The following AGPAT4 variants were observed in gnomAD, a reference collection of about 807,000 sequenced individuals.
AGPAT4 encodes the protein 1-acylglycerol-3-phosphate O-acyltransferase 4, also known as 1-acyl-sn-glycerol-3-phosphate acyltransferase delta.
In AGPAT4, 15 loss-of-function variants were observed where a neutral mutation model predicts 48.0. That is an observed-to-expected ratio of 0.31 (90% CI 0.21 to 0.48). AGPAT4 has a LOEUF of 0.48. Ranked by LOEUF, AGPAT4 falls within the 20% of genes least tolerant of loss-of-function variation. The probability of loss-of-function intolerance (pLI) is 0.99; values close to 1 mark genes in which losing one functional copy is unlikely to be tolerated. For synonymous variants in AGPAT4, 178 were observed against 198.7 expected, an observed-to-expected ratio of 0.90 and a Z score of 0.88; for missense variants, 314 against 482.5, an observed-to-expected ratio of 0.65 and a Z score of 3.27.
At chr6:161,173,500 T>A (rs1780339495) in intron 2 of AGPAT4, among the ~76,000 whole-genome samples, 1 of 152,260 alleles carries the variant, frequency 6.6e-6, no homozygotes, top group African/African-American at 2.4e-5. Flanking sequence ...TGTTTGATTT[T>A]TTCTTGTAGA....
rs1247164606 is a variant in AGPAT4 at position 161,171,113 on chromosome 6, A to G, written c.179-4696T>C. On this transcript the variant is annotated intron_variant, in intron 2 of 8. Transcript: ENST00000320285. This position sits in a 1 kb window ranked among gnomAD's most constrained non-coding sequence, Gnocchi z 4.4. ...GTGCTGCACAACAGAGATGCTTGTG[A>G]GAAAGCAGGGCTTTCTGTTGTTTAG... Among the ~76,000 whole-genome samples the G allele has an allele frequency of 1.3e-5, 2 of 152,238 alleles. No individual in the cohort carries two copies. Among genetic ancestry groups the G allele is most frequent in the African/African-American group, 2.4e-5 (1 of 41,470 alleles).
Position 161,144,210 on chromosome 6 carries a change from C to T in AGPAT4, c.843+2314G>A, listed in dbSNP as rs764383670. On this transcript the variant is annotated intron_variant, in intron 7 of 8. Coordinates refer to ENST00000320285, the MANE Select transcript of AGPAT4 (RefSeq NM_020133.3). This position sits in a 1 kb window ranked among gnomAD's most constrained non-coding sequence, Gnocchi z 6.6. Reference sequence around the variant, plus strand: ...TCTTCTCGGAAGGGCAAAGGGCCAGCCTCCCAGGCCTGCTCACAGACACAT... The same window carrying T: ...TCTTCTCGGAAGGGCAAAGGGCCAGTCTCCCAGGCCTGCTCACAGACACAT... The T allele has an allele frequency of 3.8e-6, 2 of 532,524 alleles. No individual in the cohort carries two copies. Among genetic ancestry groups the T allele is most frequent in the East Asian group, 1.1e-4 (2 of 18,326 alleles). The allele number at this position is 532,524 out of a possible 1,614,324, so 33.0% of individuals were successfully genotyped here. A position where few individuals can be genotyped will look rare whatever the true frequency, so the allele number is the denominator to read the frequency against.
At chr6:161,183,110 A>G (rs1780647670) in intron 2 of AGPAT4, among the ~76,000 whole-genome samples, 1 of 152,122 alleles carries the variant, frequency 6.6e-6, no homozygotes, top group Non-Finnish European at 1.5e-5. Flanking sequence ...TTGAGATTTT[A>G]AACTCCCTTC....
In AGPAT4 at chr6:161,255,579, G is replaced by A. The variant is rs1782923801; in HGVS notation, c.-90+18359C>T. On this transcript the variant is annotated intron_variant, in intron 1 of 8. Transcript: ENST00000320285. The surrounding 1 kb of genome is among the most constrained non-coding windows in gnomAD (Gnocchi z 4.7). ...TAATTACTGATACATGCTACAACAT[G>A]AATGAACCTCAAAAACATGTTATAT... 6.6e-6 allele frequency among the ~76,000 whole-genome samples: 1 copy of A among 152,122 alleles called. No individual in the cohort carries two copies. The highest frequency in any genetic ancestry group is 1.5e-5 in the Non-Finnish European group (1 of 68,026).
At position 161,222,954 on chromosome 6, in the gene AGPAT4, C is replaced by T. The variant is rs1781871911; in HGVS notation, c.178+9082G>A. On this transcript the variant is annotated intron_variant, in intron 2 of 8. Transcript: ENST00000320285. This position sits in a 1 kb window ranked among gnomAD's most constrained non-coding sequence, Gnocchi z 5.9. ...GCATATGCTCCTGCCACCTACTGAA[C>T]CACCTCTCCTCTTGCCAACATCTCA... Among the ~76,000 whole-genome samples the T allele has an allele frequency of 6.6e-6, 1 of 152,222 alleles. No homozygotes were observed. The highest frequency in any genetic ancestry group is 6.5e-5 in the Admixed American group (1 of 15,282).
In AGPAT4 at chr6:161,138,307, T is replaced by G. The variant is rs1305841302; in HGVS notation, c.1042+1115A>C. Reference sequence around the variant, plus strand: ...AAAAGACTGTATAGTAGGGTCTATTTGAGGAACAGGAGCCAGCTTGTCTAC... The same window carrying G: ...AAAAGACTGTATAGTAGGGTCTATTGGAGGAACAGGAGCCAGCTTGTCTAC... On this transcript the variant is annotated intron_variant, in intron 8 of 8. Transcript: ENST00000320285. The surrounding 1 kb of genome is among the most constrained non-coding windows in gnomAD (Gnocchi z 4.8). Among the ~76,000 whole-genome samples, 1 of 152,248 alleles carries G rather than the reference T, an allele frequency of 6.6e-6. No homozygotes were observed. The highest frequency in any genetic ancestry group is 1.5e-5 in the Non-Finnish European group (1 of 68,052).
chr6:161,166,392 C>A lies in AGPAT4; in HGVS notation c.204G>T (p.Trp68Cys). The A allele has an allele frequency of 6.2e-7, 1 of 1,611,080 alleles. No homozygotes were observed. The highest frequency in any genetic ancestry group is 8.5e-7 in the Non-Finnish European group (1 of 1,178,422). ...SSQLVMLLEW[W>C]SGTECTIFTD... is the part of the protein sequence containing the mutation. ...TGAAGATGGTGCATTCCGTGCCCGA[C>A]CACCACTCCAGCAGCATCACCAGCT... Residue 68 changes from tryptophan (W) to cysteine (C), a missense_variant, in exon 3 of 9, where the codon TGG (tryptophan) becomes TGT (cysteine). Transcript: ENST00000320285. The surrounding 1 kb of genome is among the most constrained non-coding windows in gnomAD (Gnocchi z 6.7).
chr6:161,268,932 G>A (rs1488044185), intron 1 of AGPAT4, among the ~76,000 whole-genome samples: 1 of 152,292 alleles, frequency 6.6e-6, no homozygotes, highest in East Asian at 1.9e-4. Context: ...ACTAGTTTCT[G>A]GATGCACTGC....
rs1233846201 is a variant in AGPAT4 at position 161,225,035 on chromosome 6, C to T, written c.178+7001G>A. Among the ~76,000 whole-genome samples the T allele has an allele frequency of 6.6e-6, 1 of 151,512 alleles. No homozygotes were observed. Among genetic ancestry groups the T allele is most frequent in the African/African-American group, 2.4e-5 (1 of 41,158 alleles). On this transcript the variant is annotated intron_variant, in intron 2 of 8. Transcript: ENST00000320285. The surrounding 1 kb of genome is among the most constrained non-coding windows in gnomAD (Gnocchi z 5.0). ...CGTGCTTCACCCTGACTCCTTCCAA[C>T]TACCTGCTCCACCCTGACTCATTCC...
rs1240162525 is a variant in AGPAT4, at chr6:161,135,834, GCTGT to G, written c.*702_*705del. 3.9e-5 allele frequency: 6 copies of G among 152,352 alleles called. No individual in the cohort carries two copies. The highest frequency in any genetic ancestry group is 1.3e-4 in the Admixed American group (2 of 15,296). The allele number at this position is 152,352 out of a possible 1,614,324, so 9.4% of individuals were successfully genotyped here. A position where few individuals can be genotyped will look rare whatever the true frequency, so the allele number is the denominator to read the frequency against. ...CAGAGACCGAGCGAAACTCTCCCTT[GCTGT>G]GTGCCAGGGACACGCTTCGTTGGTC... is the stretch of plus-strand genomic sequence containing the variant. On this transcript the variant is annotated 3_prime_UTR_variant, in exon 9 of 9. Coordinates refer to ENST00000320285, the MANE Select transcript of AGPAT4 (RefSeq NM_020133.3).
chr6:161,232,727 C>T lies in AGPAT4; in HGVS notation c.-89-425G>A, dbSNP rs2115036863. Among the ~76,000 whole-genome samples the T allele has an allele frequency of 6.6e-6, 1 of 152,296 alleles. No homozygotes were observed. Among genetic ancestry groups the T allele is most frequent in the South Asian group, 2.1e-4 (1 of 4,828 alleles). On this transcript the variant is annotated intron_variant, in intron 1 of 8. Transcript: ENST00000320285. The surrounding 1 kb of genome is among the most constrained non-coding windows in gnomAD (Gnocchi z 6.8). ...CGCGGCCTGAGCCCCATTCTCTCACCCCTAGCCCCACGCCATCTCCCTCCT... is the reference window on the plus strand; with the variant it reads ...CGCGGCCTGAGCCCCATTCTCTCACTCCTAGCCCCACGCCATCTCCCTCCT...
intron 2 of AGPAT4, among the ~76,000 whole-genome samples, chr6:161,182,222 C>A (rs1583308787): frequency 6.8e-6 from 1 of 146,898 alleles, no homozygotes; most frequent in Middle Eastern, 3.3e-3. Flanking sequence ...CAGCCTCTCA[C>A]CCTATCCCCT....
At chr6:161,160,827 T>C (rs1049267057) in intron 3 of AGPAT4, 2 of 366,414 alleles carry the variant, frequency 5.5e-6, no homozygotes, top group African/African-American at 2.1e-5. Context: ...GGGATGGCGT[T>C]AGCCCCGCAG....
At position 161,157,314 on chromosome 6, in the gene AGPAT4, A is replaced by T. The variant is rs148789273; in HGVS notation, c.349-3004T>A. On this transcript the variant is annotated intron_variant, in intron 3 of 8. Coordinates refer to ENST00000320285, the MANE Select transcript of AGPAT4 (RefSeq NM_020133.3). ...ATAAGTGAGGCTCTGGGTCAGAAACAGTTTTGTTTTGTTTTGAGACAGAGT... is the reference window on the plus strand; with the variant it reads ...ATAAGTGAGGCTCTGGGTCAGAAACTGTTTTGTTTTGTTTTGAGACAGAGT... Among the ~76,000 whole-genome samples the T allele has an allele frequency of 6.9e-3, 1,051 of 152,284 alleles. 6 individuals are homozygous for T. Among genetic ancestry groups the T allele is most frequent in the Admixed American group, 0.014 (217 of 15,290 alleles).
At position 161,161,033 on chromosome 6, in the gene AGPAT4, A is replaced by G. The variant is rs1779915461; in HGVS notation, c.348+5215T>C. On this transcript the variant is annotated intron_variant, in intron 3 of 8. Transcript: ENST00000320285. This position sits in a 1 kb window ranked among gnomAD's most constrained non-coding sequence, Gnocchi z 4.6. ...TAAGCACAGAGCACGAAAGGGGGAC[A>G]GTTCATGGGATGATACCAAGTCGGT... 3 of 456,670 alleles carry G rather than the reference A, an allele frequency of 6.6e-6. No homozygotes were observed. The highest frequency in any genetic ancestry group is 1.3e-5 in the Non-Finnish European group (3 of 226,990). The allele number at this position is 456,670 out of a possible 1,614,324, so 28.3% of individuals were successfully genotyped here.
rs1403038539 is a variant in AGPAT4 at position 161,198,343 on chromosome 6, T to C, written c.179-31926A>G. ...CCCTCTCCTCCGGGGCATTTGGCAA[T>C]GTCTGGAGACATTTTTCATTGTCAC... is the stretch of plus-strand genomic sequence containing the variant. On this transcript the variant is annotated intron_variant, in intron 2 of 8. Coordinates refer to ENST00000320285, the MANE Select transcript of AGPAT4 (RefSeq NM_020133.3). The surrounding 1 kb of genome is among the most constrained non-coding windows in gnomAD (Gnocchi z 4.3). 2.0e-5 allele frequency among the ~76,000 whole-genome samples: 3 copies of C among 152,250 alleles called. No individual in the cohort carries two copies. Among genetic ancestry groups the C allele is most frequent in the Non-Finnish European group, 4.4e-5 (3 of 68,052 alleles).
Position 161,161,026 on chromosome 6 carries a change from G to C in AGPAT4, c.348+5222C>G, listed in dbSNP as rs115521191. The C allele has an allele frequency of 1.1e-3, 490 of 456,766 alleles. 1 individual carries two copies. Among genetic ancestry groups the C allele is most frequent in the African/African-American group, 8.5e-3 (425 of 50,196 alleles). 28.3% of individuals were successfully genotyped at this position (456,766 alleles called of 1,614,324 possible). A position where few individuals can be genotyped will look rare whatever the true frequency, so the allele number is the denominator to read the frequency against. On this transcript the variant is annotated intron_variant, in intron 3 of 8. Transcript: ENST00000320285. This position sits in a 1 kb window ranked among gnomAD's most constrained non-coding sequence, Gnocchi z 4.6. ...AGGGCCCTAAGCACAGAGCACGAAA[G>C]GGGGACAGTTCATGGGATGATACCA...
Position 161,219,367 on chromosome 6 carries a change from A to T in AGPAT4, c.178+12669T>A, listed in dbSNP as rs1053845128. ...TATCCAGACATTTATGATATGATAG[A>T]ATATGATGGCATGATACGAGATGAG... On this transcript the variant is annotated intron_variant, in intron 2 of 8. Transcript: ENST00000320285. This position sits in a 1 kb window ranked among gnomAD's most constrained non-coding sequence, Gnocchi z 4.9. Among the ~76,000 whole-genome samples, 1 of 152,130 alleles carries T rather than the reference A, an allele frequency of 6.6e-6. No individual in the cohort carries two copies. Among genetic ancestry groups the T allele is most frequent in the Non-Finnish European group, 1.5e-5 (1 of 68,032 alleles).
rs1363468306 is a variant in AGPAT4 at position 161,243,335 on chromosome 6, G to T, written c.-89-11033C>A. On this transcript the variant is annotated intron_variant, in intron 1 of 8. Transcript: ENST00000320285. The surrounding 1 kb of genome is among the most constrained non-coding windows in gnomAD (Gnocchi z 4.8). ...AGGCGTGAGGTGGCTGGCATCCCCA[G>T]CCGGCACTAAAAACAAAAAGAGAGA... Among the ~76,000 whole-genome samples the T allele has an allele frequency of 1.3e-5, 2 of 152,064 alleles. No individual in the cohort carries two copies. The highest frequency in any genetic ancestry group is 2.4e-5 in the African/African-American group (1 of 41,404).
Sources: gnomAD v4.1 joint callset for allele counts (sites outside exome capture counted in the v4.1 genomes callset) on GRCh38, gnomAD v4.1.1 for gene constraint, Gnocchi (gnomAD v3.1) non-coding constraint, MANE v1.5 for transcripts, NCBI Gene and HGNC (gene_info 2026-07-23, HGNC 2026-07-21) for gene names.